The following CDH9 variants were observed in gnomAD, a reference collection of about 807,000 sequenced individuals.
CDH9 encodes the protein cadherin 9.
CDH9 carries 28 observed loss-of-function variants against 70.9 expected under a neutral mutation model. The ratio of observed to expected loss-of-function variants is 0.40; its 90% confidence interval spans 0.29 to 0.54. The LOEUF is 0.54. Among genes scored for constraint, CDH9 ranks in the 20% least tolerant of loss-of-function variants. CDH9 has a pLI of 0.59. For synonymous variants in CDH9, 409 were observed against 343.1 expected, an observed-to-expected ratio of 1.19 and a Z score of -2.12; for missense variants, 874 against 984.4, an observed-to-expected ratio of 0.89 and a Z score of 1.50.
At chr5:26,973,789 G>A (rs539850614) in intron 2 of CDH9, among the ~76,000 whole-genome samples, 4 of 152,122 alleles carry the variant, frequency 2.6e-5, no homozygotes, top group Middle Eastern at 3.4e-3. Flanking sequence ...TGTTTACAAT[G>A]CCTTTTTATA....
intron 2 of CDH9, among the ~76,000 whole-genome samples, chr5:26,966,561 T>C (rs4102882): frequency 0.45 from 67,819 of 152,002 alleles, 16,141 homozygotes; most frequent in Non-Finnish European, 0.53. Context: ...ATGAGGTGTC[T>C]CTATTAGCTT....
At chr5:27,008,027 G>A (rs999271345) in intron 1 of CDH9, among the ~76,000 whole-genome samples, 1 of 152,006 alleles carries the variant, frequency 6.6e-6, no homozygotes, top group Non-Finnish European at 1.5e-5. Context: ...TTATACATGT[G>A]GAACAGAAAA....
chr5:26,986,652 G>C (rs1021477368), intron 2 of CDH9, among the ~76,000 whole-genome samples: 1 of 152,118 alleles, frequency 6.6e-6, no homozygotes, highest in Non-Finnish European at 1.5e-5. Context: ...GGATAAAACT[G>C]ATTCTGTAAG....
chr5:26,915,898 A>G lies in CDH9; in HGVS notation c.255T>C (p.Asp85=), dbSNP rs149377000. ...GKLHTDQDKG[D]GNLKYILTGD... The stretch of plus-strand genomic sequence containing the variant: ...CTGTTAGTATGTATTTTAAATTTCC[A>G]TCTCCTTTATCTTGGTCAGTGTGAA... Residue 85 remains aspartate, a synonymous_variant, in exon 3 of 12, where the codon GAT becomes GAC. Transcript: ENST00000231021. 7 of 1,610,324 alleles carry G rather than the reference A, an allele frequency of 4.3e-6. No homozygotes were observed. The highest frequency in any genetic ancestry group is 4.0e-5 in the African/African-American group (3 of 74,730).
chr5:27,034,896 C>G (rs1743366475), intron 1 of CDH9, among the ~76,000 whole-genome samples: 1 of 151,366 alleles, frequency 6.6e-6, no homozygotes, highest in Non-Finnish European at 1.5e-5. Context: ...CACTCCTTAC[C>G]ATATTTTAAT....
intron 2 of CDH9, among the ~76,000 whole-genome samples, chr5:26,944,432 C>T (rs1425704082): frequency 6.6e-6 from 1 of 152,110 alleles, no homozygotes; most frequent in Non-Finnish European, 1.5e-5. Context: ...AAGAGGATCG[C>T]TTGAGTCCAG....
chr5:26,936,546 A>G (rs550505860), intron 2 of CDH9, among the ~76,000 whole-genome samples: 45 of 152,286 alleles, frequency 3.0e-4, no homozygotes, highest in African/African-American at 1.1e-3. Flanking sequence ...AGGTAACTAC[A>G]TATAATGTTT....
Position 26,988,358 on chromosome 5 carries a change from A to C in CDH9, c.-25T>G. ...TTATCTGCAACTTCAGTGGGTTGTC[A>C]AATTCAATGTATTGTTTGTTTTTCC... On this transcript the variant is annotated 5_prime_UTR_variant, in exon 2 of 12. Coordinates refer to ENST00000231021, the MANE Select transcript of CDH9 (RefSeq NM_016279.4). 6.2e-7 allele frequency: 1 copy of C among 1,602,458 alleles called. No individual in the cohort carries two copies. Among genetic ancestry groups the C allele is most frequent in the Non-Finnish European group, 8.5e-7 (1 of 1,172,316 alleles).
intron 2 of CDH9, among the ~76,000 whole-genome samples, chr5:26,975,770 T>C (rs2112078443): frequency 6.6e-6 from 1 of 152,326 alleles, no homozygotes; most frequent in South Asian, 2.1e-4. Context: ...ATGGCCTTAA[T>C]TTAAGCTTCT....
In CDH9 at chr5:27,016,863, A is replaced by G. The variant is rs536952834; in HGVS notation, c.-50+21600T>C. Reference sequence around the variant, plus strand: ...ATAAAGGGAGCATTTTTATTCATTCAATATTAAATCCTTATAGTTTTCTAA... The same window carrying G: ...ATAAAGGGAGCATTTTTATTCATTCGATATTAAATCCTTATAGTTTTCTAA... On this transcript the variant is annotated intron_variant, in intron 1 of 11. Coordinates refer to ENST00000231021, the MANE Select transcript of CDH9 (RefSeq NM_016279.4). Among the ~76,000 whole-genome samples, 5 of 152,016 alleles carry G rather than the reference A, an allele frequency of 3.3e-5. No individual in the cohort carries two copies. In the South Asian group the frequency reaches 8.3e-4, roughly 25 times the overall value.
intron 1 of CDH9, among the ~76,000 whole-genome samples, chr5:27,007,977 GAC>G (rs1742896062): frequency 2.0e-5 from 3 of 151,844 alleles, no homozygotes; most frequent in Admixed American, 2.0e-4. Context: ...CAAAAAAAAA[GAC>G]ACTTACATTT....
chr5:26,934,195 G>A (rs1741519393), intron 2 of CDH9, among the ~76,000 whole-genome samples: 2 of 152,122 alleles, frequency 1.3e-5, no homozygotes, highest in Non-Finnish European at 2.9e-5. Flanking sequence ...GCCAGGTGTG[G>A]TGACTCCAAC....
At chr5:26,885,495 A>G in intron 11 of CDH9, 119 bp downstream of exon 11, 1 of 885,960 alleles carries the variant, frequency 1.1e-6, no homozygotes, top group Non-Finnish European at 1.7e-6. Context: ...GAATTTTAAT[A>G]AAAAGTGAAA....
At chr5:26,938,250 A>T (rs980406789) in intron 2 of CDH9, among the ~76,000 whole-genome samples, 14 of 151,740 alleles carry the variant, frequency 9.2e-5, no homozygotes, top group African/African-American at 3.1e-4. Context: ...TAAAATATTT[A>T]GAGAGTGTAT....
intron 2 of CDH9, among the ~76,000 whole-genome samples, chr5:26,979,688 A>T (rs1742366742): frequency 6.6e-6 from 1 of 151,852 alleles, no homozygotes; most frequent in East Asian, 1.9e-4. Flanking sequence ...GGCTGAGAGC[A>T]AGAGAATGAT....
At chr5:26,949,668 A>G (rs1741811797) in intron 2 of CDH9, among the ~76,000 whole-genome samples, 1 of 152,204 alleles carries the variant, frequency 6.6e-6, no homozygotes, top group Admixed American at 6.5e-5. Flanking sequence ...TTCTTTGGGT[A>G]TGTTTTAGGA....
At chr5:27,021,334 T>C (rs1743134990) in intron 1 of CDH9, among the ~76,000 whole-genome samples, 1 of 151,742 alleles carries the variant, frequency 6.6e-6, no homozygotes, top group Admixed American at 6.6e-5. Context: ...TGATCTACAA[T>C]TGTATATTCC....
intron 4 of CDH9, among the ~76,000 whole-genome samples, chr5:26,906,487 T>C (rs1356148938): frequency 6.6e-6 from 1 of 152,184 alleles, no homozygotes; most frequent in Non-Finnish European, 1.5e-5. Context: ...AAATTTTGTA[T>C]TTAGTGTTTC....
intron 2 of CDH9, among the ~76,000 whole-genome samples, chr5:26,942,619 A>G (rs940568907): frequency 5.3e-5 from 8 of 152,124 alleles, no homozygotes; most frequent in African/African-American, 1.9e-4. Context: ...TTTGGCCAAG[A>G]CAGGATAAGA....
Sources: gnomAD v4.1 joint callset for allele counts (sites outside exome capture counted in the v4.1 genomes callset) on GRCh38, gnomAD v4.1.1 for gene constraint, MANE v1.5 for transcripts, NCBI Gene and HGNC (gene_info 2026-07-23, HGNC 2026-07-21) for gene names.